SMYD3: variants seen among roughly 807,000 people sequenced by gnomAD.
SMYD3 encodes the protein histone-lysine N-methyltransferase SMYD3.
Under a neutral mutation model 57.7 loss-of-function variants are expected in SMYD3, and 36 were observed. The observed-to-expected ratio is 0.62, with a 90% CI of 0.48 to 0.82. The LOEUF is 0.82. Among genes scored for constraint, SMYD3 ranks in the 40% least tolerant of loss-of-function variants. The probability of loss-of-function intolerance (pLI) is 0.00; values close to 1 mark genes in which losing one functional copy is unlikely to be tolerated. For synonymous variants in SMYD3, 211 were observed against 195.0 expected (o/e 1.08, Z -0.68); for missense variants, 515 against 538.8 (o/e 0.96, Z 0.44).
intron 5 of SMYD3, among the ~76,000 whole-genome samples, chr1:246,188,550 T>A (rs551985046): frequency 6.6e-6 from 1 of 152,114 alleles, no homozygotes. Flanking sequence ...AAACAGAAAC[T>A]CTGAACAAGT....
intron 5 of SMYD3, among the ~76,000 whole-genome samples, chr1:246,274,870 G>A (rs767071537): frequency 3.9e-5 from 6 of 151,936 alleles, no homozygotes; most frequent in East Asian, 1.9e-4. Flanking sequence ...ACACTCTACC[G>A]GGGTCAGTAC....
chr1:246,336,531 A>G (rs1475062758), intron 2 of SMYD3, among the ~76,000 whole-genome samples: 1 of 152,214 alleles, frequency 6.6e-6, no homozygotes, highest in Non-Finnish European at 1.5e-5. Context: ...GAGCTGATTC[A>G]AAGTAAAGAT....
chr1:245,900,264 T>G (rs985348398), intron 8 of SMYD3, among the ~76,000 whole-genome samples: 2 of 152,226 alleles, frequency 1.3e-5, no homozygotes, highest in African/African-American at 4.8e-5. Flanking sequence ...GCTAAAAAGC[T>G]AAAATACAGT....
intron 1 of SMYD3, among the ~76,000 whole-genome samples, chr1:246,444,074 G>C (rs1013786511): frequency 3.3e-5 from 5 of 151,732 alleles, no homozygotes; most frequent in Non-Finnish European, 5.9e-5. Flanking sequence ...CTATGATTTT[G>C]ACCAAAGCAG....
chr1:245,954,540 C>G (rs1167592018), intron 5 of SMYD3, among the ~76,000 whole-genome samples: 1 of 152,140 alleles, frequency 6.6e-6, no homozygotes, highest in Non-Finnish European at 1.5e-5. Flanking sequence ...GCCGAGCATG[C>G]TGGCAGGCAC....
At chr1:246,059,639 A>C (rs6697846) in intron 5 of SMYD3, among the ~76,000 whole-genome samples, 1 of 151,978 alleles carries the variant, frequency 6.6e-6, no homozygotes, top group Admixed American at 6.6e-5. Context: ...AAGAAAAAAA[A>C]CCATTCCTTT....
rs551063077 is a variant in SMYD3 at position 246,375,987 on chromosome 1, C to G, written c.165-20893G>C. Among the ~76,000 whole-genome samples the G allele has an allele frequency of 2.6e-5, 4 of 152,238 alleles. No homozygotes were observed. The East Asian group carries it at 7.7e-4, about 29-fold the overall frequency. On this transcript the variant is annotated intron_variant, in intron 1 of 11. Transcript: ENST00000490107. The stretch of plus-strand genomic sequence containing the variant: ...TTAAGTGGTCCACCAGCCTCAGCCT[C>G]CCAAAGTGCTGGGATTACAGGCATC...
chr1:246,336,084 T>C (rs1467947299), intron 2 of SMYD3, among the ~76,000 whole-genome samples: 1 of 152,222 alleles, frequency 6.6e-6, no homozygotes, highest in African/African-American at 2.4e-5. Flanking sequence ...GTGCCCCTTT[T>C]CACTCTGAAA....
At chr1:245,790,226 G>C (rs904579827) in intron 10 of SMYD3, among the ~76,000 whole-genome samples, 4 of 152,160 alleles carry the variant, frequency 2.6e-5, no homozygotes, top group Non-Finnish European at 5.9e-5. Context: ...AAAAACAGTA[G>C]GTGGAAAACC....
At chr1:246,264,649 A>AT (rs2064070990) in intron 5 of SMYD3, among the ~76,000 whole-genome samples, 1 of 152,218 alleles carries the variant, frequency 6.6e-6, no homozygotes. Context: ...TGCAGGTACC[A>AT]TCTCCATAGC....
At chr1:245,897,645 A>C (rs146340210) in intron 8 of SMYD3, among the ~76,000 whole-genome samples, 3,204 of 152,290 alleles carry the variant, frequency 0.021, 130 homozygotes, top group African/African-American at 0.074. Flanking sequence ...CTGTAATCCC[A>C]GCACTTTGGG....
chr1:246,348,728 G>A (rs758392739), intron 2 of SMYD3, among the ~76,000 whole-genome samples: 5 of 151,950 alleles, frequency 3.3e-5, no homozygotes, highest in Non-Finnish European at 4.4e-5. Flanking sequence ...TAGAAAACCC[G>A]CACATGTACC....
In SMYD3 at chr1:246,275,212, C is replaced by T. The variant is rs1251971583; in HGVS notation, c.531+51989G>A. Among the ~76,000 whole-genome samples the T allele has an allele frequency of 3.3e-5, 5 of 152,310 alleles. No homozygotes were observed. In the South Asian group the frequency reaches 6.2e-4, roughly 19 times the overall value. ...CCTTCACAGGCCAAACCATCTCTAC[C>T]GAAACTACTCAGCTCTGCTGCTGTA... On this transcript the variant is annotated intron_variant, in intron 5 of 11. Transcript: ENST00000490107.
chr1:246,034,855 T>C (rs2148274702), intron 5 of SMYD3, among the ~76,000 whole-genome samples: 1 of 152,234 alleles, frequency 6.6e-6, no homozygotes, highest in African/African-American at 2.4e-5. Context: ...GAGTTCTCCA[T>C]CCCCTGCTGC....
At chr1:246,256,608 C>T (rs996270761) in intron 5 of SMYD3, among the ~76,000 whole-genome samples, 1 of 152,092 alleles carries the variant, frequency 6.6e-6, no homozygotes, top group Non-Finnish European at 1.5e-5. Flanking sequence ...TCTTGTGTAT[C>T]CTTTCAAATA....
chr1:246,311,799 C>G (rs771274523), intron 5 of SMYD3, among the ~76,000 whole-genome samples: 35 of 152,192 alleles, frequency 2.3e-4, no homozygotes, highest in Non-Finnish European at 4.0e-4. Flanking sequence ...AAATAATTCC[C>G]TATCTAGAAA....
intron 5 of SMYD3, among the ~76,000 whole-genome samples, chr1:246,193,933 G>C (rs78594714): frequency 1.3e-5 from 2 of 152,246 alleles, no homozygotes; most frequent in Admixed American, 1.3e-4. Flanking sequence ...AAGCAGCAAA[G>C]CATTCTAAAT....
chr1:245,829,728 A>G (rs1280085661), intron 10 of SMYD3, among the ~76,000 whole-genome samples: 1 of 152,240 alleles, frequency 6.6e-6, no homozygotes, highest in African/African-American at 2.4e-5. Flanking sequence ...TAAAAAGTAG[A>G]AAGAGCCCAA....
At position 245,993,922 on chromosome 1, in the gene SMYD3, T is replaced by C. The variant is rs572558253; in HGVS notation, c.532-63985A>G. Reference sequence around the variant, plus strand: ...TTATGTTATGTATATCTTACCACCATAAAAAGAAGACATTAAACTACAATA... The same window carrying C: ...TTATGTTATGTATATCTTACCACCACAAAAAGAAGACATTAAACTACAATA... On this transcript the variant is annotated intron_variant, in intron 5 of 11. Transcript: ENST00000490107. Among the ~76,000 whole-genome samples the C allele has an allele frequency of 3.9e-5, 6 of 152,292 alleles. No homozygotes were observed. The South Asian group carries it at 1.2e-3, about 32-fold the overall frequency.
Sources: gnomAD v4.1 joint callset for allele counts (sites outside exome capture counted in the v4.1 genomes callset) on GRCh38, gnomAD v4.1.1 for gene constraint, MANE v1.5 for transcripts, NCBI Gene and HGNC (gene_info 2026-07-23, HGNC 2026-07-21) for gene names.